The following SLC39A13 variants were observed in gnomAD, a reference collection of about 807,000 sequenced individuals.
The protein encoded by SLC39A13 is solute carrier family 39 member 13, also known as zinc transporter ZIP13.
A neutral mutation model predicts 38.7 loss-of-function variants in SLC39A13; 18 were observed. That is an observed-to-expected ratio of 0.47 (90% CI 0.32 to 0.69). The LOEUF (loss-of-function observed/expected upper bound fraction) is 0.69. Among genes scored for constraint, SLC39A13 ranks in the 30% least tolerant of loss-of-function variants. The pLI, the probability that SLC39A13 is intolerant of heterozygous loss-of-function variation, is 0.03. For missense variants in SLC39A13, 395 were observed against 490.7 expected (o/e 0.80, Z 1.84); for synonymous variants, 212 against 219.1 (o/e 0.97, Z 0.29).
intron 7 of SLC39A13, 100 bp downstream of exon 7, chr11:47,414,575 A>G: frequency 6.5e-7 from 1 of 1,530,180 alleles, no homozygotes; most frequent in Non-Finnish European, 9.0e-7. Context: ...GGGCCTGTCC[A>G]GCATGGCACT....
At position 47,411,947 on chromosome 11, in the gene SLC39A13, A is replaced by G. The variant is rs1565662802; in HGVS notation, c.323A>G (p.Gln108Arg). The G allele has an allele frequency of 8.1e-6, 13 of 1,613,790 alleles. No homozygotes were observed. Among genetic ancestry groups the G allele is most frequent in the Non-Finnish European group, 1.1e-5 (13 of 1,179,924 alleles). Residue 108 changes from glutamine to arginine, a missense_variant, in exon 3 of 10, where the codon CAG (glutamine) becomes CGG (arginine). Transcript: ENST00000362021. ...GTAGCTGGGGCCTGGCGCCTGAAGC[A>G]GCTGCTCAGCTTCGCCCTGGGGGGA... ...RSEAGAWRLK[Q>R]LLSFALGGLL... is the part of the protein sequence containing the mutation.
chr11:47,412,330 T>A lies in SLC39A13; in HGVS notation c.416-16T>A. ...TGGCTTGGCCTGGCCTGGCCTGGCA[T>A]TGCCGCCCCCTGCAGGTGGTGAGGG... is the stretch of plus-strand genomic sequence containing the variant. On this transcript the variant is annotated splice_polypyrimidine_tract_variant and intron_variant, in intron 3 of 9. Coordinates refer to ENST00000362021, the MANE Select transcript of SLC39A13 (RefSeq NM_001128225.3). 6.2e-7 allele frequency: 1 copy of A among 1,610,238 alleles called. No homozygotes were observed. The highest frequency in any genetic ancestry group is 8.5e-7 in the Non-Finnish European group (1 of 1,178,458).
upstream of SLC39A13, among the ~76,000 whole-genome samples, chr11:47,408,359 C>G (rs1246401851): frequency 3.3e-5 from 5 of 152,224 alleles, no homozygotes; most frequent in African/African-American, 1.2e-4. Context: ...GTGCGTGTGG[C>G]TCTCTCACTT....
At chr11:47,414,212 A>T (rs1437458265) in intron 6 of SLC39A13, 3 of 627,986 alleles carry the variant, frequency 4.8e-6, no homozygotes, top group Non-Finnish European at 8.5e-6. Flanking sequence ...AGCGCCTGTG[A>T]GTGTGTGAGT....
chr11:47,412,588 G>C (rs1196222923), intron 4 of SLC39A13, 121 bp downstream of exon 4: 18 of 1,542,996 alleles, frequency 1.2e-5, no homozygotes, highest in Non-Finnish European at 1.6e-5. Context: ...CCTCTCCTGG[G>C]AGCTGCGGGA....
chr11:47,412,044 G>A lies in SLC39A13; in HGVS notation c.415+5G>A, dbSNP rs1415713981. On this transcript the variant is annotated splice_donor_5th_base_variant and intron_variant, in intron 3 of 9. Coordinates refer to ENST00000362021, the MANE Select transcript of SLC39A13 (RefSeq NM_001128225.3). Reference sequence around the variant, plus strand: ...ACACGTGCAGCGCCAGCCCTGGTAAGTGAGGCCACACGCCAGGGGCAAGAC... The same window carrying A: ...ACACGTGCAGCGCCAGCCCTGGTAAATGAGGCCACACGCCAGGGGCAAGAC... 6.2e-7 allele frequency: 1 copy of A among 1,605,392 alleles called. No individual in the cohort carries two copies. Among genetic ancestry groups the A allele is most frequent in the Non-Finnish European group, 8.5e-7 (1 of 1,176,340 alleles).
intron 2 of SLC39A13, among the ~76,000 whole-genome samples, chr11:47,411,500 G>T (rs543747979): frequency 6.6e-6 from 1 of 152,192 alleles, no homozygotes; most frequent in Non-Finnish European, 1.5e-5. Context: ...AGCTACTCAG[G>T]AGGCTGAGGC....
At position 47,413,522 on chromosome 11, in the gene SLC39A13, CAG is replaced by C. The variant is rs764548331; in HGVS notation, c.645+16_645+17del. 4 of 1,613,912 alleles carry C rather than the reference CAG, an allele frequency of 2.5e-6. No individual in the cohort carries two copies. The highest frequency in any genetic ancestry group is 1.1e-5 in the South Asian group (1 of 91,062). On this transcript the variant is annotated intron_variant, in intron 5 of 9. Transcript: ENST00000362021. ...GGAGCATCAAAGTGAGTGGCCTGCTCAGGGCCCCTGCAGCCGTACTGCCCTGA... is the reference window on the plus strand; with the variant it reads ...GGAGCATCAAAGTGAGTGGCCTGCTCGGCCCCTGCAGCCGTACTGCCCTGA...
At chr11:47,410,830 C>A (rs972557447) in intron 2 of SLC39A13, among the ~76,000 whole-genome samples, 3 of 152,200 alleles carry the variant, frequency 2.0e-5, no homozygotes, top group Non-Finnish European at 4.4e-5. Context: ...ATCCCAGGGG[C>A]TGGTGCTGCC....
At position 47,412,886 on chromosome 11, in the gene SLC39A13, C is replaced by T. The variant is rs1375537016; in HGVS notation, c.537+419C>T. ...AAGCGATTCTCCTGCCTCAGCCTCC[C>T]GAGTAGCTGGGACCACAGGTGCGCG... On this transcript the variant is annotated intron_variant, in intron 4 of 9. Transcript: ENST00000362021. Among the ~76,000 whole-genome samples the T allele has an allele frequency of 1.8e-4, 28 of 151,582 alleles. No homozygotes were observed. The Middle Eastern group carries it at 0.01, about 55-fold the overall frequency.
At chr11:47,411,252 A>C (rs2095997690) in intron 2 of SLC39A13, among the ~76,000 whole-genome samples, 1 of 152,216 alleles carries the variant, frequency 6.6e-6, no homozygotes, top group Non-Finnish European at 1.5e-5. Flanking sequence ...TCTGAGAGTG[A>C]CAGCAGCTGA....
Position 47,415,815 on chromosome 11 carries a change from G to A in SLC39A13, c.*452G>A. ...ACACACAGTCCCCAGGCGGCCTAGGGGCCAAGGCTGGGGCGGCTTTGGTCC... is the reference window on the plus strand; with the variant it reads ...ACACACAGTCCCCAGGCGGCCTAGGAGCCAAGGCTGGGGCGGCTTTGGTCC... On this transcript the variant is annotated 3_prime_UTR_variant, in exon 10 of 10. Coordinates refer to ENST00000362021, the MANE Select transcript of SLC39A13 (RefSeq NM_001128225.3). The A allele has an allele frequency of 3.9e-6, 1 of 258,104 alleles. No individual in the cohort carries two copies. The highest frequency in any genetic ancestry group is 1.0e-4 in the East Asian group (1 of 9,932). The allele number at this position is 258,104 out of a possible 1,614,324, so 16.0% of individuals were successfully genotyped here. A position where few individuals can be genotyped will look rare whatever the true frequency, so the allele number is the denominator to read the frequency against.
chr11:47,415,098 G>T lies in SLC39A13; in HGVS notation c.979G>T (p.Gly327Cys). Reference protein sequence around the residue: ...AAWVLPFTSGGFLYIALVNVL... With the variant: ...AAWVLPFTSGCFLYIALVNVL... ...CTGGGTCCTGCCCTTCACCTCTGGC[G>T]GCTTTCTCTACATCGCCTTGGTGAA... The change falls in exon 9 of 10, where the codon GGC (glycine) becomes TGC (cysteine). Residue 327 changes from glycine (G) to cysteine (C), a missense_variant. Physicochemically the swap from Gly to Cys is radical, Grantham distance 159. Transcript: ENST00000362021. 1 of 1,613,214 alleles carries T rather than the reference G, an allele frequency of 6.2e-7. No homozygotes were observed. The highest frequency in any genetic ancestry group is 1.3e-5 in the African/African-American group (1 of 74,996).
chr11:47,410,380 A>G lies in SLC39A13; in HGVS notation c.286A>G (p.Met96Val), dbSNP rs895559794. Residue 96 changes from methionine to valine, a missense_variant, in exon 2 of 10, where the codon ATG becomes GTG. Transcript: ENST00000362021. ...LLVIPLEMGT[M>V]LRSEAGAWRL... ...TGTCATTCCCCTAGAGATGGGGACC[A>G]TGCTGCGCTCAGAAGGTAGGTGACT... 3.1e-6 allele frequency: 5 copies of G among 1,613,610 alleles called. No homozygotes were observed. The highest frequency in any genetic ancestry group is 1.7e-5 in the Admixed American group (1 of 59,986).
At position 47,415,077 on chromosome 11, in the gene SLC39A13, G is replaced by T. The variant is rs1286963796; in HGVS notation, c.958G>T (p.Val320Phe). ...CGCTGCAGAGGAGACGGCAGCCTGG[G>T]TCCTGCCCTTCACCTCTGGCGGCTT... ...SPAAEETAAW[V>F]LPFTSGGFLY... The change falls in exon 9 of 10, where the codon GTC becomes TTC. Residue 320 changes from valine to phenylalanine, a missense_variant. Val to Phe is a conservative substitution (Grantham distance 50). Coordinates refer to ENST00000362021, the MANE Select transcript of SLC39A13 (RefSeq NM_001128225.3). 1.2e-6 allele frequency: 2 copies of T among 1,613,484 alleles called. No individual in the cohort carries two copies. The highest frequency in any genetic ancestry group is 1.7e-6 in the Non-Finnish European group (2 of 1,179,712).
In SLC39A13 at chr11:47,415,080, C is replaced by T. The variant is rs1246265583; in HGVS notation, c.961C>T (p.Leu321=). 2 of 1,613,444 alleles carry T rather than the reference C, an allele frequency of 1.2e-6. No homozygotes were observed. ...TGCAGAGGAGACGGCAGCCTGGGTC[C>T]TGCCCTTCACCTCTGGCGGCTTTCT... is the stretch of plus-strand genomic sequence containing the variant. ...PAAEETAAWV[L]PFTSGGFLYI... The change falls in exon 9 of 10, where the codon CTG becomes TTG. Residue 321 remains leucine, a synonymous_variant. Coordinates refer to ENST00000362021, the MANE Select transcript of SLC39A13 (RefSeq NM_001128225.3).
Position 47,410,236 on chromosome 11 carries a change from C to G in SLC39A13, c.142C>G (p.Leu48Val). The change falls in exon 2 of 10, where the codon CTG becomes GTG. Residue 48 changes from leucine (L) to valine (V), a missense_variant. By Grantham distance (32) the Leu-to-Val change is conservative. Transcript: ENST00000362021. ...RSRGTATACRLDNKESESWGA... is the reference protein window; with the variant it reads ...RSRGTATACRVDNKESESWGA... ...CCGGGGGACTGCGACGGCCTGTCGC[C>G]TGGACAACAAGGAAAGCGAGTCCTG... is the stretch of plus-strand genomic sequence containing the variant. 6.2e-7 allele frequency: 1 copy of G among 1,614,106 alleles called. No individual in the cohort carries two copies. The highest frequency in any genetic ancestry group is 8.5e-7 in the Non-Finnish European group (1 of 1,180,020).
chr11:47,412,192 G>C lies in SLC39A13; in HGVS notation c.415+153G>C. On this transcript the variant is annotated intron_variant, in intron 3 of 9. Transcript: ENST00000362021. ...GGGAGGGTCATTGTCCTGGTCTCTG[G>C]GCCCTGGTCCCAGTGGGAGTTCTGG... The C allele has an allele frequency of 1.2e-5, 15 of 1,300,584 alleles. No individual in the cohort carries two copies. In the South Asian group the frequency reaches 1.9e-4, roughly 17 times the overall value. 80.6% of individuals were successfully genotyped at this position (1,300,584 alleles called of 1,614,324 possible).
intron 8 of SLC39A13, 48 bp downstream of exon 8, chr11:47,414,957 A>T: frequency 6.2e-7 from 1 of 1,603,800 alleles, no homozygotes; most frequent in Non-Finnish European, 8.5e-7. Flanking sequence ...GCAGAGGGGC[A>T]CCAGCCAAAG....
Sources: gnomAD v4.1 joint callset for allele counts (sites outside exome capture counted in the v4.1 genomes callset) on GRCh38, gnomAD v4.1.1 for gene constraint, MANE v1.5 for transcripts, NCBI Gene and HGNC (gene_info 2026-07-23, HGNC 2026-07-21) for gene names.